OR6N1: variants seen among roughly 807,000 people sequenced by gnomAD.
The protein encoded by OR6N1 is olfactory receptor 6N1.
For synonymous variants in OR6N1, 170 were observed against 150.7 expected (o/e 1.13, Z -0.94); for missense variants, 394 against 371.7 (o/e 1.06, Z -0.49).
Position 158,764,420 on chromosome 1 carries a change from C to T in OR6N1, c.*1324G>A, listed in dbSNP as rs529769333. 5.3e-5 allele frequency: 8 copies of T among 151,754 alleles called. No individual in the cohort carries two copies. The South Asian group carries it at 1.7e-3, about 31-fold the overall frequency. 9.4% of individuals were successfully genotyped at this position (151,754 alleles called of 1,614,324 possible). ...ATATTCTCAACTCTTTTAAAACACC[C>T]TAAAGGTAGGACCTGGACATATATA... On this transcript the variant is annotated 3_prime_UTR_variant, in exon 2 of 2. Transcript: ENST00000641846.
the OR6N1 span, among the ~76,000 whole-genome samples, chr1:158,818,511 T>G: frequency 1.3e-5 from 2 of 152,144 alleles, no homozygotes; most frequent in Admixed American, 6.5e-5. Flanking sequence ...GCTCAAGAAG[T>G]AGGAGCTTGC....
chr1:158,790,954 T>A, the OR6N1 span, among the ~76,000 whole-genome samples: 102 of 152,306 alleles, frequency 6.7e-4, 1 homozygote, highest in Non-Finnish European at 1.3e-3. Flanking sequence ...TATGCCTAGT[T>A]TGTTGAGGGT....
chr1:158,832,290 G>A, the OR6N1 span, among the ~76,000 whole-genome samples: 2 of 151,900 alleles, frequency 1.3e-5, no homozygotes, highest in Non-Finnish European at 2.9e-5. Flanking sequence ...TACTTGAGAA[G>A]AGTTTATAAA....
the OR6N1 span, chr1:158,777,656 G>A: frequency 6.6e-7 from 1 of 1,509,334 alleles, no homozygotes; most frequent in African/African-American, 1.4e-5. Context: ...GGTAAAGAAG[G>A]AAAGAAGAAA....
rs757258273 is a variant in OR6N1, at chr1:158,766,442, T to C, written c.241A>G (p.Met81Val). 1 of 1,613,956 alleles carries C rather than the reference T, an allele frequency of 6.2e-7. No individual in the cohort carries two copies. The highest frequency in any genetic ancestry group is 8.5e-7 in the Non-Finnish European group (1 of 1,179,890). Residue 81 changes from methionine to valine, a missense_variant, in exon 2 of 2, where the codon ATG becomes GTG. Met to Val is a conservative substitution (Grantham distance 21, BLOSUM62 1). Coordinates refer to ENST00000641846, the MANE Select transcript of OR6N1 (RefSeq NM_001005185.2). ...LGYTAATIPKMLANLLSEKKT... is the reference protein window; with the variant it reads ...LGYTAATIPKVLANLLSEKKT... ...TTCTCACTGAGCAAGTTTGCCAGCA[T>C]CTTAGGGATGGTGGCAGCTGTATAG...
chr1:158,808,800 A>C, the OR6N1 span: 12 of 152,550 alleles, frequency 7.9e-5, no homozygotes, highest in African/African-American at 2.7e-4. Flanking sequence ...AGTGGTGCCA[A>C]GTCACAAAAG....
At chr1:158,786,421 A>G in the OR6N1 span, among the ~76,000 whole-genome samples, 10,901 of 152,276 alleles carry the variant, frequency 0.072, 495 homozygotes, top group African/African-American at 0.13. Context: ...TACAACCACT[A>G]TAAAAAACAG....
the OR6N1 span, chr1:158,777,676 T>G: frequency 7.6e-7 from 1 of 1,308,488 alleles, no homozygotes; most frequent in Non-Finnish European, 1.1e-6. Flanking sequence ...AACATTGGAT[T>G]GAGATGACTG....
chr1:158,783,204 T>G, the OR6N1 span, among the ~76,000 whole-genome samples: 13 of 152,198 alleles, frequency 8.5e-5, no homozygotes, highest in Non-Finnish European at 1.5e-4. Flanking sequence ...GGATCCAACA[T>G]AATACTAAGT....
the OR6N1 span, among the ~76,000 whole-genome samples, chr1:158,839,041 GTTT>G: frequency 2.6e-5 from 4 of 152,110 alleles, no homozygotes; most frequent in African/African-American, 9.6e-5. Flanking sequence ...TAAGAGTGCT[GTTT>G]TAGTCTTTGA....
chr1:158,835,078 T>TA, the OR6N1 span, among the ~76,000 whole-genome samples: 1 of 152,196 alleles, frequency 6.6e-6, no homozygotes, highest in Non-Finnish European at 1.5e-5. Context: ...TTTTCAAGAT[T>TA]AAAAAAGGCT....
At chr1:158,823,621 C>T in the OR6N1 span, among the ~76,000 whole-genome samples, 1 of 150,846 alleles carries the variant, frequency 6.6e-6, no homozygotes, top group African/African-American at 2.4e-5. Context: ...ATTGATCTAG[C>T]TAGCAATCTA....
At chr1:158,790,194 A>G in the OR6N1 span, among the ~76,000 whole-genome samples, 6 of 152,158 alleles carry the variant, frequency 3.9e-5, no homozygotes, top group Admixed American at 2.0e-4. Flanking sequence ...CCATTACTCT[A>G]TGTATCTGTT....
upstream of OR6N1, chr1:158,777,184 C>T (rs752237667): frequency 1.9e-6 from 3 of 1,614,024 alleles, no homozygotes; most frequent in Middle Eastern, 1.6e-4. Flanking sequence ...CAGGAAGCCA[C>T]AAGTCCAACA....
chr1:158,823,157 G>A, the OR6N1 span, among the ~76,000 whole-genome samples: 1 of 152,064 alleles, frequency 6.6e-6, no homozygotes, highest in African/African-American at 2.4e-5. Context: ...TAAGAATATT[G>A]GCCTGAATAT....
the OR6N1 span, among the ~76,000 whole-genome samples, chr1:158,787,373 ATTTC>A: frequency 6.6e-6 from 1 of 152,054 alleles, no homozygotes; most frequent in Admixed American, 6.6e-5. Context: ...AGTCTCAAGT[ATTTC>A]TTTATAACAA....
the OR6N1 span, among the ~76,000 whole-genome samples, chr1:158,779,017 T>C: frequency 5.1e-5 from 1 of 19,482 alleles, no homozygotes; most frequent in African/African-American, 6.2e-4. Flanking sequence ...AGACTGCGTC[T>C]CAAAAAAAAA....
chr1:158,765,975 C>A lies in OR6N1; in HGVS notation c.708G>T (p.Lys236Asn). The change falls in exon 2 of 2, where the codon AAG becomes AAT. Residue 236 changes from lysine to asparagine, a missense_variant. Coordinates refer to ENST00000641846, the MANE Select transcript of OR6N1 (RefSeq NM_001005185.2). ...LRIPSAAGKR[K>N]AISTCASHFT... is the part of the protein sequence containing the mutation. ...AGTGGGAGGCACACGTGGAGATGGC[C>A]TTCCTCTTGCCGGCAGCTGAGGGAA... 6.2e-7 allele frequency: 1 copy of A among 1,614,164 alleles called. No homozygotes were observed.
the OR6N1 span, among the ~76,000 whole-genome samples, chr1:158,807,107 C>T: frequency 5.3e-5 from 8 of 150,706 alleles, no homozygotes; most frequent in East Asian, 3.9e-4. Flanking sequence ...ATTTTACAGA[C>T]AGAGAGAATG....
Sources: gnomAD v4.1 joint callset for allele counts (sites outside exome capture counted in the v4.1 genomes callset) on GRCh38, gnomAD v4.1.1 for gene constraint, MANE v1.5 for transcripts, NCBI Gene and HGNC (gene_info 2026-07-23, HGNC 2026-07-21) for gene names.